The following SAMMSON variants were observed in gnomAD, a reference collection of about 807,000 sequenced individuals.
SAMMSON encodes the protein survival associated mitochondrial melanoma specific oncogenic non-coding RNA.
chr3:70,227,771 C>G (rs1178420351), intron 4 of SAMMSON, among the ~76,000 whole-genome samples: 3 of 152,114 alleles, frequency 2.0e-5, no homozygotes, highest in Non-Finnish European at 4.4e-5. Flanking sequence ...CTACTACCCT[C>G]CATGTTTTAC....
chr3:70,323,661 A>G (rs2106718415), intron 7 of SAMMSON, among the ~76,000 whole-genome samples: 2 of 152,298 alleles, frequency 1.3e-5, no homozygotes. Context: ...GATTTGAAAG[A>G]CAAATGTGAC....
chr3:70,362,592 G>C (rs1702881099), intron 9 of SAMMSON, among the ~76,000 whole-genome samples: 1 of 127,128 alleles, frequency 7.9e-6, no homozygotes, highest in Admixed American at 7.7e-5. Flanking sequence ...TGGTAGAAGT[G>C]AGGAATAGAA....
intron 4 of SAMMSON, chr3:70,206,767 GC>G (rs1427093042): frequency 1.5e-5 from 6 of 397,528 alleles, no homozygotes; most frequent in Non-Finnish European, 2.7e-5. Context: ...TCATCTGCAT[GC>G]TTTGCATTCG....
At chr3:70,219,961 G>C (rs922429444) in intron 4 of SAMMSON, among the ~76,000 whole-genome samples, 2 of 152,126 alleles carry the variant, frequency 1.3e-5, no homozygotes, top group African/African-American at 4.8e-5. Flanking sequence ...ATTTCTGAGA[G>C]TGTGCTCCAC....
At chr3:70,021,919 G>A (rs971531916) in intron 3 of SAMMSON, among the ~76,000 whole-genome samples, 7 of 152,080 alleles carry the variant, frequency 4.6e-5, no homozygotes, top group Non-Finnish European at 8.8e-5. Flanking sequence ...AGAAACCTAT[G>A]AAATCTTCAT....
intron 4 of SAMMSON, among the ~76,000 whole-genome samples, chr3:70,224,854 G>T (rs1231036895): frequency 4.6e-5 from 7 of 151,892 alleles, no homozygotes; most frequent in Non-Finnish European, 8.8e-5. Context: ...ATCCAACAAA[G>T]AAAGGAGATG....
intron 3 of SAMMSON, among the ~76,000 whole-genome samples, chr3:70,063,701 C>T (rs2067199108): frequency 6.6e-6 from 1 of 152,114 alleles, no homozygotes; most frequent in South Asian, 2.1e-4. Context: ...TGAATCAAAT[C>T]CTTATCACAG....
At chr3:70,041,056 C>A (rs2067104613) in intron 3 of SAMMSON, among the ~76,000 whole-genome samples, 1 of 152,212 alleles carries the variant, frequency 6.6e-6, no homozygotes, top group Non-Finnish European at 1.5e-5. Flanking sequence ...AATTTGAAAG[C>A]AAATTATAAA....
intron 4 of SAMMSON, among the ~76,000 whole-genome samples, chr3:70,077,702 AT>A (rs1234821158): frequency 6.6e-6 from 1 of 152,212 alleles, no homozygotes; most frequent in Non-Finnish European, 1.5e-5. Flanking sequence ...GGAAATGATT[AT>A]GAATTACAGT....
At chr3:70,190,898 C>T (rs1044542661) in intron 4 of SAMMSON, among the ~76,000 whole-genome samples, 2 of 152,144 alleles carry the variant, frequency 1.3e-5, no homozygotes, top group African/African-American at 4.8e-5. Context: ...AGGATCACAG[C>T]AATGGCAGAG....
chr3:70,375,743 C>T (rs1184822736), intron 9 of SAMMSON, among the ~76,000 whole-genome samples: 2 of 152,118 alleles, frequency 1.3e-5, no homozygotes, highest in Admixed American at 6.6e-5. Flanking sequence ...CCCCTTATTG[C>T]TCATAGATGG....
At chr3:70,402,806 G>A (rs1235615080) in intron 2 of SAMMSON, among the ~76,000 whole-genome samples, 1 of 152,070 alleles carries the variant, frequency 6.6e-6, no homozygotes, top group Non-Finnish European at 1.5e-5. Flanking sequence ...AGGTTGCAAT[G>A]AGCCGAGATT....
chr3:70,290,735 G>A (rs753357077), intron 6 of SAMMSON, among the ~76,000 whole-genome samples: 12 of 152,166 alleles, frequency 7.9e-5, no homozygotes, highest in African/African-American at 1.9e-4. Flanking sequence ...AGGACCCTCC[G>A]AGCCAGGTGC....
At chr3:70,056,710 T>C (rs1290426687) in intron 3 of SAMMSON, among the ~76,000 whole-genome samples, 1 of 152,040 alleles carries the variant, frequency 6.6e-6, no homozygotes, top group East Asian at 1.9e-4. Context: ...TCTTATTACA[T>C]GTTAAAATAC....
At chr3:70,399,404 T>C (rs1033740956) in intron 2 of SAMMSON, among the ~76,000 whole-genome samples, 12 of 152,322 alleles carry the variant, frequency 7.9e-5, no homozygotes, top group African/African-American at 2.9e-4. Context: ...TTTAAGAGCC[T>C]GATACAATGC....
At chr3:70,014,822 T>C (rs1200393383) in intron 3 of SAMMSON, 2 of 152,146 alleles carry the variant, frequency 1.3e-5, no homozygotes, top group African/African-American at 4.8e-5. Context: ...ATCTCAAGAC[T>C]TGTGGTGTTA....
At chr3:70,119,915 A>G (rs1316583885) in intron 4 of SAMMSON, among the ~76,000 whole-genome samples, 1 of 152,204 alleles carries the variant, frequency 6.6e-6, no homozygotes, top group Admixed American at 6.5e-5. Flanking sequence ...ATAGAATTTT[A>G]GATTCCTTTA....
chr3:70,159,328 C>T (rs1407394196), intron 4 of SAMMSON, among the ~76,000 whole-genome samples: 1 of 151,720 alleles, frequency 6.6e-6, no homozygotes, highest in Non-Finnish European at 1.5e-5. Flanking sequence ...CTCCCCCATC[C>T]CCCCACCCCA....
intron 4 of SAMMSON, among the ~76,000 whole-genome samples, chr3:70,214,772 T>C (rs921509278): frequency 5.9e-5 from 9 of 152,118 alleles, no homozygotes; most frequent in African/African-American, 2.2e-4. Flanking sequence ...TTGAATCTTC[T>C]TCAGACATGA....
Sources: allele counts gnomAD v4.1 joint callset (sites outside exome capture counted in the v4.1 genomes callset), GRCh38; gene constraint gnomAD v4.1.1; transcripts MANE v1.5; gene names NCBI Gene and HGNC (gene_info 2026-07-23, HGNC 2026-07-21).